The following SSPN variants were observed in gnomAD, a reference collection of about 807,000 sequenced individuals.
SSPN encodes K-ras oncogene-associated protein.
Under a neutral mutation model 19.1 loss-of-function variants are expected in SSPN, and 15 were observed. The ratio of observed to expected loss-of-function variants is 0.78; its 90% CI spans 0.52 to 1.21. SSPN has a LOEUF of 1.21. Ranked by LOEUF, SSPN falls within the 50% of genes most tolerant of loss-of-function variation. SSPN has a pLI of 0.00. For missense variants in SSPN, 291 were observed against 314.0 expected, an observed-to-expected ratio of 0.93 and a Z score of 0.55; for synonymous variants, 147 against 140.3, an observed-to-expected ratio of 1.05 and a Z score of -0.34.
At chr12:26,123,862 A>C in intron 1 of SSPN, 1 of 809,222 alleles carries the variant, frequency 1.2e-6, no homozygotes, top group Non-Finnish European at 2.2e-6. Context: ...CTGTTCTTTT[A>C]CTTCTTGAGC....
intron 1 of SSPN, among the ~76,000 whole-genome samples, chr12:26,159,471 G>A (rs1037377073): frequency 1.3e-5 from 2 of 152,238 alleles, no homozygotes; most frequent in African/African-American, 4.8e-5. Context: ...GATGGGTTGT[G>A]TGCACTCAGA....
intron 1 of SSPN, among the ~76,000 whole-genome samples, chr12:26,156,778 C>T (rs1481236460): frequency 6.6e-6 from 1 of 152,188 alleles, no homozygotes; most frequent in African/African-American, 2.4e-5. Flanking sequence ...AGTACGGTTG[C>T]TGTAGAGGAC....
intron 1 of SSPN, among the ~76,000 whole-genome samples, chr12:26,148,924 G>A (rs76511598): frequency 5.1e-4 from 77 of 151,942 alleles, no homozygotes; most frequent in African/African-American, 1.8e-3. Flanking sequence ...ACCTCCCCAC[G>A]GCACACACAC....
chr12:26,131,261 T>C (rs964414529), intron 1 of SSPN, among the ~76,000 whole-genome samples: 11 of 152,272 alleles, frequency 7.2e-5, no homozygotes, highest in African/African-American at 2.4e-4. Flanking sequence ...CCTTAACGTC[T>C]GTATTTTTAA....
At chr12:26,159,832 G>A (rs16930227) in intron 1 of SSPN, among the ~76,000 whole-genome samples, 2 of 152,100 alleles carry the variant, frequency 1.3e-5, no homozygotes, top group Non-Finnish European at 2.9e-5. Flanking sequence ...TGCTCCCTGA[G>A]TGGCATCCTG....
chr12:26,208,807 T>G (rs1944954916), intron 1 of SSPN, among the ~76,000 whole-genome samples: 1 of 152,180 alleles, frequency 6.6e-6, no homozygotes, highest in Non-Finnish European at 1.5e-5. Context: ...CACCGTTTAA[T>G]AAATAATCGG....
upstream of SSPN, among the ~76,000 whole-genome samples, chr12:26,194,811 A>T (rs752732531): frequency 1.3e-5 from 2 of 152,144 alleles, no homozygotes; most frequent in Non-Finnish European, 2.9e-5. Context: ...ACATAATGAG[A>T]TCCCATCTCT....
intron 1 of SSPN, chr12:26,181,297 C>T (rs1944717429): frequency 6.6e-6 from 1 of 152,154 alleles, no homozygotes; most frequent in African/African-American, 2.4e-5. Flanking sequence ...TGATCCACTT[C>T]TGTCTTTATC....
rs188510280 is a variant in SSPN at position 26,234,355 on chromosome 12, G to T, written c.*3279G>T. 6.6e-6 allele frequency: 1 copy of T among 152,122 alleles called. No individual in the cohort carries two copies. The highest frequency in any genetic ancestry group is 2.4e-5 in the African/African-American group (1 of 41,434). 9.4% of individuals were successfully genotyped at this position (152,122 alleles called of 1,614,324 possible). On this transcript the variant is annotated 3_prime_UTR_variant, in exon 3 of 3. Coordinates refer to ENST00000242729, the MANE Select transcript of SSPN (RefSeq NM_005086.5). Reference sequence around the variant, plus strand: ...ATTTTCTAGAGATTGTCTCTGAACCGTTGCTACATAGCCATAAATTTCTGT... The same window carrying T: ...ATTTTCTAGAGATTGTCTCTGAACCTTTGCTACATAGCCATAAATTTCTGT...
At chr12:26,158,389 A>C (rs558337611) in intron 1 of SSPN, among the ~76,000 whole-genome samples, 3 of 151,916 alleles carry the variant, frequency 2.0e-5, no homozygotes, top group Non-Finnish European at 4.4e-5. Context: ...ATAATATGTC[A>C]GCGTAGGGGC....
rs969273401 is a variant in SSPN at position 26,231,008 on chromosome 12, C to T, written c.664C>T (p.Gln222Ter). The change falls in exon 3 of 3, where the codon CAG becomes TAG. Residue 222 changes from glutamine (Q) to a stop codon, truncating the protein, a stop_gained. Coordinates refer to ENST00000242729, the MANE Select transcript of SSPN (RefSeq NM_005086.5). LOFTEE classifies it high-confidence loss of function. ...ACFVMWKHRY[Q>*]VFYVGVRICS... ...CTTTGTGATGTGGAAACATAGGTAC[C>T]AGGTCTTCTATGTGGGTGTCAGGAT... 1 of 1,614,170 alleles carries T rather than the reference C, an allele frequency of 6.2e-7. No individual in the cohort carries two copies. Among genetic ancestry groups the T allele is most frequent in the African/African-American group, 1.3e-5 (1 of 75,030 alleles).
In SSPN at chr12:26,233,466, A is replaced by G. The variant is rs997355639; in HGVS notation, c.*2390A>G. 7.9e-5 allele frequency: 12 copies of G among 152,258 alleles called. No individual in the cohort carries two copies. Among genetic ancestry groups the G allele is most frequent in the East Asian group, 1.9e-4 (1 of 5,188 alleles). The allele number at this position is 152,258 out of a possible 1,614,324, so 9.4% of individuals were successfully genotyped here. On this transcript the variant is annotated 3_prime_UTR_variant, in exon 3 of 3. Transcript: ENST00000242729. The surrounding 1 kb of genome is among the most constrained non-coding windows in gnomAD (Gnocchi z 4.3). ...GAAAAAAAATCATAAACAAATAGAA[A>G]GAACTAAACAGAAAAGAAAGAAAGA...
At chr12:26,169,595 T>TATATA (rs201750856) in intron 1 of SSPN, among the ~76,000 whole-genome samples, 1 of 106,986 alleles carries the variant, frequency 9.3e-6, no homozygotes, top group Non-Finnish European at 1.8e-5. Flanking sequence ...ATATATATAT[T>TATATA]TTTTTTTCTT....
At chr12:26,209,795 CGTGTGTGTGTGTGTGT>C (rs56680376) in intron 1 of SSPN, among the ~76,000 whole-genome samples, 64 of 145,094 alleles carry the variant, frequency 4.4e-4, no homozygotes, top group Middle Eastern at 3.4e-3. Context: ...ATTCTTAGAG[CGTGTGTGTGTGTGTGT>C]GTGTGTGTGT....
At chr12:26,176,900 C>CTGT (rs1325553205) in intron 1 of SSPN, among the ~76,000 whole-genome samples, 2 of 152,216 alleles carry the variant, frequency 1.3e-5, no homozygotes, top group Non-Finnish European at 2.9e-5. Context: ...ATTATTCACA[C>CTGT]TGTTGCCAAG....
At position 26,195,643 on chromosome 12, in the gene SSPN, ACC is replaced by A; in HGVS notation, c.-28_-27del. The A allele has an allele frequency of 3.3e-5, 8 of 242,020 alleles. No homozygotes were observed. The highest frequency in any genetic ancestry group is 2.5e-4 in the South Asian group (4 of 15,712). 15.0% of individuals were successfully genotyped at this position (242,020 alleles called of 1,614,324 possible). On this transcript the variant is annotated 5_prime_UTR_variant, in exon 1 of 3. Transcript: ENST00000242729. Reference sequence around the variant, plus strand: ...CCAGGGCCCAGGGCGCCGCACACGCACCCACCCACCCACCCAGCCTCGCAGCG... The same window carrying A: ...CCAGGGCCCAGGGCGCCGCACACGCACACCCACCCACCCAGCCTCGCAGCG...
At chr12:26,224,743 A>C (rs1339537203) in intron 2 of SSPN, among the ~76,000 whole-genome samples, 1 of 152,030 alleles carries the variant, frequency 6.6e-6, no homozygotes, top group Non-Finnish European at 1.5e-5. Flanking sequence ...ATAATGAAGC[A>C]GTCTAAGTGT....
intron 1 of SSPN, among the ~76,000 whole-genome samples, chr12:26,163,032 C>CAT (rs1555177121): frequency 1.4e-5 from 2 of 145,966 alleles, no homozygotes; most frequent in Non-Finnish European, 3.0e-5. Flanking sequence ...TGCTTCAAGA[C>CAT]GTGTGTGTGT....
intron 1 of SSPN, among the ~76,000 whole-genome samples, chr12:26,183,539 C>T (rs909244893): frequency 6.6e-6 from 1 of 152,286 alleles, no homozygotes; most frequent in East Asian, 1.9e-4. Context: ...TTTAATTGAG[C>T]ATTTATTATG....
Sources: gnomAD v4.1 joint callset for allele counts (sites outside exome capture counted in the v4.1 genomes callset) on GRCh38, gnomAD v4.1.1 for gene constraint, Gnocchi (gnomAD v3.1) non-coding constraint, MANE v1.5 for transcripts, NCBI Gene and HGNC (gene_info 2026-07-23, HGNC 2026-07-21) for gene names.